The following SLCO1B1 variants were observed in gnomAD, a reference collection of about 807,000 sequenced individuals.
SLCO1B1 encodes the protein OATP-2.
In SLCO1B1, 81 loss-of-function variants were observed where a neutral mutation model predicts 70.1. That is an observed-to-expected ratio of 1.16 (90% CI 0.97 to 1.39). SLCO1B1 has a LOEUF of 1.39. Ranked by LOEUF, SLCO1B1 falls within the 40% of genes most tolerant of loss-of-function variation. SLCO1B1 has a pLI of 0.00. For missense variants in SLCO1B1, 895 were observed against 799.6 expected, an observed-to-expected ratio of 1.12 and a Z score of -1.44; for synonymous variants, 283 against 271.5, an observed-to-expected ratio of 1.04 and a Z score of -0.42.
chr12:21,190,988 G>A (rs1941023661), intron 7 of SLCO1B1, among the ~76,000 whole-genome samples: 1 of 151,520 alleles, frequency 6.6e-6, no homozygotes, highest in African/African-American at 2.4e-5. Context: ...TCTCTGTTCT[G>A]TTCCATTGGT....
chr12:21,174,469 G>T (rs1940794026), intron 3 of SLCO1B1, 108 bp from the exon 4 acceptor site: 3 of 1,019,098 alleles, frequency 2.9e-6, no homozygotes, highest in Admixed American at 4.0e-5. Flanking sequence ...CATTGTCTTT[G>T]AGGGAAGGCA....
At chr12:21,199,953 C>T (rs887908205) in intron 8 of SLCO1B1, among the ~76,000 whole-genome samples, 19 of 151,986 alleles carry the variant, frequency 1.3e-4, no homozygotes, top group Non-Finnish European at 2.5e-4. Context: ...AGGTGTGTGC[C>T]ATCGTGCTGG....
intron 10 of SLCO1B1, 51 bp from the exon 11 acceptor site, chr12:21,205,817 C>T: frequency 7.2e-7 from 1 of 1,386,772 alleles, no homozygotes; most frequent in Non-Finnish European, 1.0e-6. Context: ...CCTTCTTTGT[C>T]TTTTTCTTCT....
chr12:21,141,969 A>T (rs886316565), intron 2 of SLCO1B1, among the ~76,000 whole-genome samples: 1 of 151,852 alleles, frequency 6.6e-6, no homozygotes, highest in East Asian at 1.9e-4. Context: ...TAAAAAATGC[A>T]TAATGAATAA....
chr12:21,178,946 T>C lies in SLCO1B1; in HGVS notation c.653T>C (p.Ile218Thr). 1.2e-6 allele frequency: 2 copies of C among 1,611,636 alleles called. No homozygotes were observed. The highest frequency in any genetic ancestry group is 1.7e-6 in the Non-Finnish European group (2 of 1,178,190). Reference protein sequence around the residue: ...YLGILNAIAMIGPIIGFTLGS... With the variant: ...YLGILNAIAMTGPIIGFTLGS... ...GGTATATTGAATGCAATAGCAATGA[T>C]TGGTCCAATCATTGGCTTTACCCTG... The change falls in exon 7 of 15, where the codon ATT becomes ACT. Residue 218 changes from isoleucine (I) to threonine (T), a missense_variant. Transcript: ENST00000256958.
intron 13 of SLCO1B1, among the ~76,000 whole-genome samples, chr12:21,223,335 A>G (rs780585350): frequency 2.0e-4 from 31 of 152,328 alleles, no homozygotes; most frequent in South Asian, 4.1e-4. Context: ...CTTGAATACA[A>G]TAAACGTGTA....
At chr12:21,191,755 G>GC (rs1941032359) in intron 7 of SLCO1B1, among the ~76,000 whole-genome samples, 1 of 152,016 alleles carries the variant, frequency 6.6e-6, no homozygotes, top group Non-Finnish European at 1.5e-5. Flanking sequence ...TGCTAGCTGT[G>GC]AGCTTTTTAA....
intron 2 of SLCO1B1, among the ~76,000 whole-genome samples, chr12:21,149,546 CA>C (rs1249322594): frequency 1.3e-5 from 2 of 152,154 alleles, no homozygotes; most frequent in African/African-American, 4.8e-5. Context: ...GTGCAGCCAA[CA>C]GGGGGCAAGC....
At chr12:21,170,004 T>C (rs1940737406) in intron 2 of SLCO1B1, among the ~76,000 whole-genome samples, 2 of 152,156 alleles carry the variant, frequency 1.3e-5, no homozygotes, top group South Asian at 4.1e-4. Context: ...TTGGTTTCTA[T>C]AGAAGACCCT....
intron 3 of SLCO1B1, 131 bp downstream of exon 3, chr12:21,172,922 G>C: frequency 1.2e-6 from 1 of 857,016 alleles, no homozygotes; most frequent in Non-Finnish European, 1.8e-6. Context: ...AAACATTTGT[G>C]GTTGTCATAA....
chr12:21,157,600 A>ATT (rs533368425), intron 2 of SLCO1B1, among the ~76,000 whole-genome samples: 143 of 136,830 alleles, frequency 1.0e-3, no homozygotes, highest in East Asian at 2.5e-3. Context: ...AGACTGTAAA[A>ATT]TTTTTTTTTT....
At chr12:21,175,984 T>C (rs1940814512) in intron 4 of SLCO1B1, among the ~76,000 whole-genome samples, 1 of 152,098 alleles carries the variant, frequency 6.6e-6, no homozygotes, top group South Asian at 2.1e-4. Flanking sequence ...TGTTTCTTTG[T>C]CTACCCTTCT....
At chr12:21,143,747 A>G (rs1157152704) in intron 2 of SLCO1B1, among the ~76,000 whole-genome samples, 1 of 152,014 alleles carries the variant, frequency 6.6e-6, no homozygotes, top group African/African-American at 2.4e-5. Context: ...TAATATTAGT[A>G]CCCTCAAGAT....
At chr12:21,235,601 G>T (rs1941589414) in intron 14 of SLCO1B1, among the ~76,000 whole-genome samples, 1 of 151,694 alleles carries the variant, frequency 6.6e-6, no homozygotes, top group African/African-American at 2.4e-5. Context: ...TTAGCTAGTT[G>T]CTTTATAGTT....
chr12:21,232,671 T>C (rs1941551502), intron 14 of SLCO1B1, among the ~76,000 whole-genome samples: 1 of 151,842 alleles, frequency 6.6e-6, no homozygotes, highest in Non-Finnish European at 1.5e-5. Flanking sequence ...CATTTTTCTA[T>C]TAATCAGACC....
intron 7 of SLCO1B1, among the ~76,000 whole-genome samples, chr12:21,190,110 A>T (rs1346931773): frequency 6.6e-6 from 1 of 152,166 alleles, no homozygotes; most frequent in East Asian, 1.9e-4. Flanking sequence ...TAAGCTGAAG[A>T]TAGCTGTTCT....
At chr12:21,206,488 G>T (rs979217159) in intron 11 of SLCO1B1, among the ~76,000 whole-genome samples, 3 of 151,798 alleles carry the variant, frequency 2.0e-5, no homozygotes, top group African/African-American at 7.2e-5. Context: ...GATCTGTTTA[G>T]CTCTGGGATC....
intron 14 of SLCO1B1, 40 bp downstream of exon 14, chr12:21,224,879 C>A: frequency 9.5e-7 from 1 of 1,054,964 alleles, no homozygotes; most frequent in Non-Finnish European, 1.4e-6. Flanking sequence ...TTTTCTTTGA[C>A]TATATTAATT....
chr12:21,186,858 T>C (rs2121122236), intron 7 of SLCO1B1, among the ~76,000 whole-genome samples: 1 of 152,168 alleles, frequency 6.6e-6, no homozygotes, highest in African/African-American at 2.4e-5. Flanking sequence ...AGTGAAGTTA[T>C]TATATGACCA....
Sources: allele counts gnomAD v4.1 joint callset (sites outside exome capture counted in the v4.1 genomes callset), GRCh38; gene constraint gnomAD v4.1.1; transcripts MANE v1.5; gene names NCBI Gene and HGNC (gene_info 2026-07-23, HGNC 2026-07-21).